NEO1: variants seen among roughly 807,000 people sequenced by gnomAD.
NEO1 encodes the protein neogenin 1.
NEO1 carries 63 observed loss-of-function variants against 159.7 expected under a neutral mutation model. That is an observed-to-expected ratio of 0.39 (90% confidence interval 0.32 to 0.49). The LOEUF (loss-of-function observed/expected upper bound fraction) is 0.49, where lower values mean the gene tolerates loss of function less well. NEO1 is among the 20% of genes least tolerant of loss of function. The probability of loss-of-function intolerance (pLI) is 0.85; values close to 1 mark genes in which losing one functional copy is unlikely to be tolerated. For synonymous variants in NEO1, 633 were observed against 662.0 expected, an observed-to-expected ratio of 0.96 and a Z score of 0.67; for missense variants, 1,615 against 1,831.0, an observed-to-expected ratio of 0.88 and a Z score of 2.15.
intron 22 of NEO1, among the ~76,000 whole-genome samples, chr15:73,279,345 G>GTTTTTTTTTT (rs34303412): frequency 2.6e-5 from 2 of 77,796 alleles, no homozygotes; most frequent in Non-Finnish European, 3.6e-5. Flanking sequence ...TGTTGTTTTG[G>GTTTTTTTTTT]TTTTGGTTTT....
intron 1 of NEO1, among the ~76,000 whole-genome samples, chr15:73,081,556 A>G (rs2069046623): frequency 6.6e-6 from 1 of 152,068 alleles, no homozygotes; most frequent in South Asian, 2.1e-4. Context: ...TGGTGGTGAA[A>G]TATTACAGCA....
intron 7 of NEO1, among the ~76,000 whole-genome samples, chr15:73,233,234 A>G (rs771136117): frequency 7.2e-5 from 11 of 152,176 alleles, no homozygotes; most frequent in Non-Finnish European, 1.3e-4. Context: ...GATAGAGAAC[A>G]CTGGGGCCAC....
At chr15:73,259,908 C>T (rs1319916251) in intron 14 of NEO1, among the ~76,000 whole-genome samples, 2 of 152,114 alleles carry the variant, frequency 1.3e-5, no homozygotes, top group African/African-American at 4.8e-5. Context: ...CTTTCTCATT[C>T]CACCTGGTAG....
intron 5 of NEO1, among the ~76,000 whole-genome samples, chr15:73,169,287 G>A (rs542386380): frequency 6.6e-6 from 1 of 152,174 alleles, no homozygotes; most frequent in Admixed American, 6.5e-5. Context: ...AATGATGATG[G>A]CATTTGAAGG....
At chr15:73,123,560 C>G (rs1390431416) in intron 3 of NEO1, among the ~76,000 whole-genome samples, 1 of 152,088 alleles carries the variant, frequency 6.6e-6, no homozygotes, top group Non-Finnish European at 1.5e-5. Flanking sequence ...AAATTCAGCT[C>G]CTATTTCAGT....
chr15:73,068,546 G>A (rs2068355284), intron 1 of NEO1, among the ~76,000 whole-genome samples: 1 of 152,086 alleles, frequency 6.6e-6, no homozygotes, highest in Non-Finnish European at 1.5e-5. Flanking sequence ...CTCAACATGA[G>A]TGCTGAACCA....
intron 5 of NEO1, among the ~76,000 whole-genome samples, chr15:73,149,131 A>G (rs577411059): frequency 7.9e-5 from 12 of 152,218 alleles, no homozygotes; most frequent in African/African-American, 2.2e-4. Context: ...CCTGGCCAAC[A>G]TGGTGCAACC....
At chr15:73,229,577 T>G (rs1008534163) in intron 7 of NEO1, among the ~76,000 whole-genome samples, 1 of 152,060 alleles carries the variant, frequency 6.6e-6, no homozygotes, top group African/African-American at 2.4e-5. Flanking sequence ...CTTGCCATTT[T>G]GCACTTGCTA....
In NEO1 at chr15:73,052,545, G is replaced by T; in HGVS notation, c.-131G>T. Reference sequence around the variant, plus strand: ...GGGCTGCGCGGGCCGGGCCGGGCCGGGCTGGGCTGGAGCAGCGGCGGCCGC... The same window carrying T: ...GGGCTGCGCGGGCCGGGCCGGGCCGTGCTGGGCTGGAGCAGCGGCGGCCGC... On this transcript the variant is annotated 5_prime_UTR_variant, in exon 1 of 29. Coordinates refer to ENST00000261908, the MANE Select transcript of NEO1 (RefSeq NM_002499.4). The T allele has an allele frequency of 2.4e-6, 1 of 408,484 alleles. No individual in the cohort carries two copies. The highest frequency in any genetic ancestry group is 3.7e-6 in the Non-Finnish European group (1 of 271,816). The allele number at this position is 408,484 out of a possible 1,614,324, so 25.3% of individuals were successfully genotyped here.
chr15:73,268,008 C>CA lies in NEO1; in HGVS notation c.2494+1598dup, dbSNP rs572593911. Among the ~76,000 whole-genome samples, 60 of 152,212 alleles carry CA rather than the reference C, an allele frequency of 3.9e-4. 2 individuals carry two copies. The South Asian group carries it at 0.012, about 31-fold the overall frequency. ...GCTTACCTTTCCTGAAGGAAGAGTA[C>CA]ATCCTTGAGTTCCTTTTGCTTTATT... On this transcript the variant is annotated intron_variant, in intron 16 of 28. Transcript: ENST00000261908.
chr15:73,099,347 G>A (rs1293928815), intron 1 of NEO1, among the ~76,000 whole-genome samples: 1 of 152,160 alleles, frequency 6.6e-6, no homozygotes, highest in African/African-American at 2.4e-5. Flanking sequence ...AGAAGCTTTT[G>A]AATTTAGTTT....
At chr15:73,231,404 C>T (rs1474603679) in intron 7 of NEO1, among the ~76,000 whole-genome samples, 2 of 152,146 alleles carry the variant, frequency 1.3e-5, no homozygotes, top group Non-Finnish European at 2.9e-5. Flanking sequence ...AGTAAGCCTG[C>T]TGTTTGTCTG....
chr15:73,218,088 T>C (rs1166666260), intron 7 of NEO1, among the ~76,000 whole-genome samples: 3 of 152,124 alleles, frequency 2.0e-5, no homozygotes, highest in Non-Finnish European at 4.4e-5. Context: ...TTTATTATTT[T>C]AGATACGTCC....
intron 22 of NEO1, among the ~76,000 whole-genome samples, chr15:73,280,932 G>A (rs1043634974): frequency 1.6e-4 from 24 of 152,022 alleles, no homozygotes; most frequent in African/African-American, 5.3e-4. Flanking sequence ...TGGGCCGGGC[G>A]CAGTGGCTCA....
intron 7 of NEO1, among the ~76,000 whole-genome samples, chr15:73,229,176 T>C (rs1237517577): frequency 6.6e-6 from 1 of 152,138 alleles, no homozygotes; most frequent in Admixed American, 6.5e-5. Flanking sequence ...TTTATTTAGA[T>C]CTTCTTTAAT....
intron 22 of NEO1, 135 bp from the exon 23 acceptor site, chr15:73,282,829 G>A (rs1000587490): frequency 2.8e-5 from 29 of 1,033,404 alleles, no homozygotes; most frequent in Admixed American, 6.9e-5. Context: ...CCATGTTCAC[G>A]CGGCACTTTT....
At chr15:73,139,991 A>G (rs1000016100) in intron 5 of NEO1, among the ~76,000 whole-genome samples, 1 of 152,232 alleles carries the variant, frequency 6.6e-6, no homozygotes. Flanking sequence ...CCAATAGAAA[A>G]TGGGCAAAAG....
At chr15:73,195,393 A>G (rs1596314871) in intron 7 of NEO1, among the ~76,000 whole-genome samples, 1 of 152,168 alleles carries the variant, frequency 6.6e-6, no homozygotes, top group African/African-American at 2.4e-5. Flanking sequence ...TAGCTTTCAT[A>G]TAGTTTCCAT....
At chr15:73,142,348 A>C (rs948883802) in intron 5 of NEO1, among the ~76,000 whole-genome samples, 12 of 152,184 alleles carry the variant, frequency 7.9e-5, no homozygotes, top group African/African-American at 2.9e-4. Context: ...AGGATTTGTC[A>C]TGATAGCTGG....
Sources: allele counts gnomAD v4.1 joint callset (sites outside exome capture counted in the v4.1 genomes callset), GRCh38; gene constraint gnomAD v4.1.1; transcripts MANE v1.5; gene names NCBI Gene and HGNC (gene_info 2026-07-23, HGNC 2026-07-21).